The following PLCB4 variants were observed in gnomAD, a reference collection of about 807,000 sequenced individuals.
The protein encoded by PLCB4 is phospholipase C beta 4, also known as 1-phosphatidylinositol 4,5-bisphosphate phosphodiesterase beta-4.
A neutral mutation model predicts 178.8 loss-of-function variants in PLCB4; 77 were observed. The observed-to-expected ratio is 0.43, with a 90% confidence interval of 0.36 to 0.52. PLCB4 has a LOEUF of 0.52. Ranked by LOEUF, PLCB4 falls within the 20% of genes least tolerant of loss-of-function variation. The pLI, the probability that PLCB4 is intolerant of heterozygous loss-of-function variation, is 0.00. For missense variants in PLCB4, 1,024 were observed against 1,453.4 expected (o/e 0.70, Z 4.80); for synonymous variants, 496 against 490.8 (o/e 1.01, Z -0.14).
chr20:9,387,492 A>G lies in PLCB4; in HGVS notation c.1094A>G (p.Lys365Arg). The change falls in exon 15 of 40, where the codon AAA becomes AGA. Residue 365 changes from lysine (K) to arginine (R), a missense_variant. Physicochemically the swap from Lys to Arg is conservative, Grantham distance 26. Transcript: ENST00000378473. ...GTTGAACTTGACTGCTGGGATGGAA[A>G]AGGTGAAGACCAAGAACCAATAATA... ...RCVELDCWDG[K>R]GEDQEPIITH... 1 of 1,598,782 alleles carries G rather than the reference A, an allele frequency of 6.3e-7. No homozygotes were observed. The highest frequency in any genetic ancestry group is 8.6e-7 in the Non-Finnish European group (1 of 1,168,240).
intron 3 of PLCB4, among the ~76,000 whole-genome samples, chr20:9,230,634 G>A (rs2093921755): frequency 6.6e-6 from 1 of 152,106 alleles, no homozygotes; most frequent in Non-Finnish European, 1.5e-5. Context: ...CCTTGATTGG[G>A]AAGTTCTTTT....
At chr20:9,472,945 T>C in intron 37 of PLCB4, 98 bp downstream of exon 37, 3 of 696,734 alleles carry the variant, frequency 4.3e-6, no homozygotes, top group Non-Finnish European at 4.9e-6. Flanking sequence ...TTTAATTTGA[T>C]TTTTCTGTAC....
chr20:9,407,473 G>A (rs1046143062), intron 21 of PLCB4, among the ~76,000 whole-genome samples: 3 of 151,324 alleles, frequency 2.0e-5, no homozygotes, highest in African/African-American at 7.3e-5. Flanking sequence ...GGGTTCAAGC[G>A]ATTCTCCTGC....
At position 9,213,628 on chromosome 20, in the gene PLCB4, A is replaced by G. The variant is rs80164493; in HGVS notation, c.-78-3762A>G. Among the ~76,000 whole-genome samples the G allele has an allele frequency of 8.7e-4, 133 of 152,298 alleles. 1 individual carries two copies. In the East Asian group the frequency reaches 0.012, roughly 13 times the overall value. On this transcript the variant is annotated intron_variant, in intron 2 of 39. Coordinates refer to ENST00000378473, the MANE Select transcript of PLCB4 (RefSeq NM_001377142.1). ...GAATAATGCTGCTATGAAATTTTACATGTAATTTTTATATGGATATATGTT... is the reference window on the plus strand; with the variant it reads ...GAATAATGCTGCTATGAAATTTTACGTGTAATTTTTATATGGATATATGTT...
chr20:9,070,947 G>C (rs980052563), intron 1 of PLCB4, among the ~76,000 whole-genome samples: 1 of 152,052 alleles, frequency 6.6e-6, no homozygotes, highest in Non-Finnish European at 1.5e-5. Flanking sequence ...TAAATCTGTC[G>C]GAATAACTCT....
chr20:9,429,528 T>A (rs751677516), intron 28 of PLCB4, among the ~76,000 whole-genome samples: 4 of 152,226 alleles, frequency 2.6e-5, no homozygotes, highest in Non-Finnish European at 5.9e-5. Context: ...ATTTAACCAC[T>A]TCCTCAAGTT....
intron 9 of PLCB4, among the ~76,000 whole-genome samples, chr20:9,366,659 T>C (rs925014625): frequency 5.9e-5 from 9 of 152,208 alleles, no homozygotes; most frequent in African/African-American, 1.9e-4. Context: ...TTGGTTGGTG[T>C]TTGTTTTAAG....
intron 20 of PLCB4, among the ~76,000 whole-genome samples, chr20:9,403,168 C>T (rs1000603688): frequency 2.6e-5 from 4 of 152,060 alleles, no homozygotes; most frequent in Admixed American, 6.6e-5. Context: ...TTATCATTGT[C>T]ATTATCCTCA....
intron 36 of PLCB4, among the ~76,000 whole-genome samples, chr20:9,469,317 T>C (rs1018370029): frequency 2.8e-4 from 42 of 152,292 alleles, no homozygotes; most frequent in African/African-American, 9.9e-4. Context: ...CTTCCCAGGT[T>C]CCACTGGGTC....
At chr20:9,441,910 CTTT>C (rs11476975) in intron 30 of PLCB4, among the ~76,000 whole-genome samples, 5 of 148,864 alleles carry the variant, frequency 3.4e-5, no homozygotes, top group Admixed American at 2.0e-4. Context: ...ACCAACACGA[CTTT>C]TTTTTTTTTT....
In PLCB4 at chr20:9,276,655, A is replaced by G. The variant is rs566851872; in HGVS notation, c.-15-31145A>G. Among the ~76,000 whole-genome samples the G allele has an allele frequency of 1.4e-3, 215 of 152,172 alleles. 2 individuals are homozygous for G. Among genetic ancestry groups the G allele is most frequent in the African/African-American group, 4.9e-3 (204 of 41,532 alleles). ...CTAGTCCCTGCTCTTTCTTCCCATC[A>G]TACCACACATGTCATTTCTGCCTCT... is the stretch of plus-strand genomic sequence containing the variant. On this transcript the variant is annotated intron_variant, in intron 3 of 39. Coordinates refer to ENST00000378473, the MANE Select transcript of PLCB4 (RefSeq NM_001377142.1).
At chr20:9,453,187 T>G (rs2042870681) in intron 32 of PLCB4, among the ~76,000 whole-genome samples, 160 bp from the exon 33 acceptor site, 1 of 152,044 alleles carries the variant, frequency 6.6e-6, no homozygotes, top group Non-Finnish European at 1.5e-5. Flanking sequence ...AAAAAACCGG[T>G]GTTGAATGGG....
intron 37 of PLCB4, 103 bp from the exon 38 acceptor site, chr20:9,473,176 A>G (rs2044299440): frequency 1.1e-5 from 7 of 646,888 alleles, no homozygotes; most frequent in Non-Finnish European, 1.8e-5. Context: ...AAAAATTATT[A>G]TCTCTTTCAC....
At chr20:9,203,981 G>A (rs1470935223) in intron 2 of PLCB4, among the ~76,000 whole-genome samples, 2 of 151,704 alleles carry the variant, frequency 1.3e-5, no homozygotes, top group African/African-American at 2.4e-5. Flanking sequence ...CATTACACAC[G>A]TTTGATCACT....
rs116054428 is a variant in PLCB4 at position 9,276,821 on chromosome 20, A to G, written c.-15-30979A>G. 7.5e-3 allele frequency among the ~76,000 whole-genome samples: 1,146 copies of G among 152,106 alleles called. 17 individuals carry two copies. The highest frequency in any genetic ancestry group is 0.027 in the African/African-American group (1,103 of 41,534). On this transcript the variant is annotated intron_variant, in intron 3 of 39. Transcript: ENST00000378473. ...ACCAGGGAGCTACTTAGAAACCTGC[A>G]GTTTCATACTTGGGAGGCTGAGGTG...
intron 1 of PLCB4, among the ~76,000 whole-genome samples, chr20:9,095,253 G>A (rs1352933443): frequency 6.6e-6 from 1 of 152,164 alleles, no homozygotes; most frequent in Non-Finnish European, 1.5e-5. Context: ...AGCTAATGGA[G>A]GATTTCTCAT....
chr20:9,133,482 G>T (rs557083339), intron 2 of PLCB4, among the ~76,000 whole-genome samples: 1 of 152,080 alleles, frequency 6.6e-6, no homozygotes, highest in African/African-American at 2.4e-5. Flanking sequence ...GGCCAGGTTG[G>T]TCTTGAACTG....
chr20:9,245,025 C>T (rs79089234), intron 3 of PLCB4, among the ~76,000 whole-genome samples: 5,130 of 152,168 alleles, frequency 0.034, 312 homozygotes, highest in African/African-American at 0.12. Context: ...CTCCTTCACA[C>T]CTCTGGGAGT....
Position 9,098,604 on chromosome 20 carries a change from C to T in PLCB4, c.-79+2262C>T, listed in dbSNP as rs1319595085. Among the ~76,000 whole-genome samples the T allele has an allele frequency of 2.0e-5, 3 of 150,360 alleles. No homozygotes were observed. The Admixed American group carries it at 2.0e-4, about 10-fold the overall frequency. ...GTGGCAATTAATTCGAAGGATGTCT[C>T]ATGTGTTAAATAGTCTCATATATAT... On this transcript the variant is annotated intron_variant, in intron 2 of 39. Transcript: ENST00000378473.
Sources: allele counts gnomAD v4.1 joint callset (sites outside exome capture counted in the v4.1 genomes callset), GRCh38; gene constraint gnomAD v4.1.1; transcripts MANE v1.5; gene names NCBI Gene and HGNC (gene_info 2026-07-23, HGNC 2026-07-21).